STAG1: variants seen among roughly 807,000 people sequenced by gnomAD.
The protein encoded by STAG1 is STAG1 cohesin complex component, also known as cohesin subunit SA-1.
In STAG1, 26 loss-of-function variants were observed where a neutral mutation model predicts 170.9. The ratio of observed to expected loss-of-function variants is 0.15; its 90% CI spans 0.11 to 0.21. The LOEUF (loss-of-function observed/expected upper bound fraction) is 0.21. Among genes scored for constraint, STAG1 ranks in the 10% least tolerant of loss-of-function variants. STAG1 has a pLI of 1.00. For missense variants in STAG1, 964 were observed against 1,509.5 expected (o/e 0.64, Z 5.99); for synonymous variants, 514 against 497.7 (o/e 1.03, Z -0.44).
chr3:136,535,155 A>C (rs1207207150), intron 6 of STAG1, among the ~76,000 whole-genome samples: 1 of 152,124 alleles, frequency 6.6e-6, no homozygotes, highest in African/African-American at 2.4e-5. Context: ...AAACAAATAC[A>C]TTTTCTCACT....
chr3:136,486,139 G>A (rs1418797880), intron 9 of STAG1, among the ~76,000 whole-genome samples: 2 of 152,152 alleles, frequency 1.3e-5, no homozygotes, highest in Non-Finnish European at 2.9e-5. Context: ...ACATGTAGTA[G>A]GCAAGTAAGT....
chr3:136,442,832 C>A (rs2088671071), intron 15 of STAG1, among the ~76,000 whole-genome samples: 6 of 152,116 alleles, frequency 3.9e-5, no homozygotes, highest in Admixed American at 3.9e-4. Flanking sequence ...TTGAGGCAAT[C>A]TGGGGACCAC....
intron 6 of STAG1, among the ~76,000 whole-genome samples, chr3:136,536,809 A>C (rs1312114314): frequency 1.3e-5 from 2 of 151,866 alleles, no homozygotes; most frequent in South Asian, 2.1e-4. Flanking sequence ...AAGTTTCTTA[A>C]CCCTTTTGTG....
chr3:136,548,038 C>T (rs565162644), intron 5 of STAG1, among the ~76,000 whole-genome samples: 4 of 152,180 alleles, frequency 2.6e-5, no homozygotes, highest in East Asian at 1.9e-4. Flanking sequence ...TCCATACATA[C>T]GTGAATTACT....
At chr3:136,552,671 C>T (rs763700109) in intron 5 of STAG1, among the ~76,000 whole-genome samples, 5 of 152,110 alleles carry the variant, frequency 3.3e-5, no homozygotes, top group Non-Finnish European at 5.9e-5. Context: ...CAGGTTAAGG[C>T]TAAACCAGGG....
chr3:136,536,724 A>C (rs1174291096), intron 6 of STAG1, among the ~76,000 whole-genome samples: 2 of 151,418 alleles, frequency 1.3e-5, no homozygotes, highest in Non-Finnish European at 2.9e-5. Flanking sequence ...AAAAAAAAAA[A>C]AACTACGGCT....
intron 25 of STAG1, 88 bp from the exon 26 acceptor site, chr3:136,363,555 G>GGA: frequency 3.4e-6 from 1 of 290,910 alleles, no homozygotes. Context: ...CTTTGAAAAT[G>GGA]AAAAAAAAAA....
At chr3:136,465,037 C>T (rs1208960573) in intron 12 of STAG1, 49 bp from the exon 13 acceptor site, 1 of 1,383,974 alleles carries the variant, frequency 7.2e-7, no homozygotes, top group South Asian at 1.4e-5. Context: ...TGTTTATTTT[C>T]CTTTCTACTT....
At chr3:136,604,045 T>A (rs952341895) in intron 4 of STAG1, among the ~76,000 whole-genome samples, 1 of 151,806 alleles carries the variant, frequency 6.6e-6, no homozygotes, top group African/African-American at 2.4e-5. Context: ...AAAAAAAAAA[T>A]ATCAAGACAA....
intron 26 of STAG1, among the ~76,000 whole-genome samples, chr3:136,360,439 T>C (rs1338816919): frequency 1.3e-5 from 2 of 152,188 alleles, no homozygotes; most frequent in Non-Finnish European, 2.9e-5. Flanking sequence ...TGATTCCCTT[T>C]ATAGCAAAGG....
At position 136,699,262 on chromosome 3, in the gene STAG1, C is replaced by CT. The variant is rs776486888; in HGVS notation, c.-84+52932dup. Reference sequence around the variant, plus strand: ...CTTCCTTTAATGTCTCAATAGCCTACTTAATTTTATAGGAAGAAAATGTCT... The same window carrying CT: ...CTTCCTTTAATGTCTCAATAGCCTACTTTAATTTTATAGGAAGAAAATGTCT... On this transcript the variant is annotated intron_variant, in intron 1 of 33. Coordinates refer to ENST00000383202, the MANE Select transcript of STAG1 (RefSeq NM_005862.3). 4.6e-5 allele frequency among the ~76,000 whole-genome samples: 7 copies of CT among 152,276 alleles called. No individual in the cohort carries two copies. In the South Asian group the frequency reaches 1.2e-3, roughly 27 times the overall value.
At chr3:136,437,666 C>CT (rs1317848828) in intron 15 of STAG1, among the ~76,000 whole-genome samples, 2 of 152,094 alleles carry the variant, frequency 1.3e-5, no homozygotes, top group African/African-American at 2.4e-5. Flanking sequence ...TTTGTGTAGT[C>CT]TTTTTTCTCC....
chr3:136,631,646 G>A (rs937585738), intron 1 of STAG1, among the ~76,000 whole-genome samples: 1 of 152,186 alleles, frequency 6.6e-6, no homozygotes, highest in African/African-American at 2.4e-5. Context: ...GGCTGTGCAC[G>A]TGTAGGGACA....
At chr3:136,558,168 G>A (rs1936699128) in intron 5 of STAG1, among the ~76,000 whole-genome samples, 1 of 152,122 alleles carries the variant, frequency 6.6e-6, no homozygotes, top group Admixed American at 6.5e-5. Flanking sequence ...AAGGTGGGCA[G>A]GTCACCTGAG....
intron 7 of STAG1, among the ~76,000 whole-genome samples, chr3:136,512,370 G>A (rs935768266): frequency 1.3e-5 from 2 of 152,040 alleles, no homozygotes; most frequent in South Asian, 4.1e-4. Context: ...AGAAGTAGTA[G>A]GTTCCATAGA....
At chr3:136,575,963 C>T (rs955482125) in intron 4 of STAG1, among the ~76,000 whole-genome samples, 6 of 152,174 alleles carry the variant, frequency 3.9e-5, no homozygotes, top group Non-Finnish European at 7.3e-5. Context: ...GATAGCAAGT[C>T]ACCTCTGCCA....
chr3:136,573,767 T>TG (rs1261090481), intron 4 of STAG1, among the ~76,000 whole-genome samples: 1 of 152,056 alleles, frequency 6.6e-6, no homozygotes, highest in African/African-American at 2.4e-5. Context: ...GGTCAGGAGA[T>TG]GGAGACCATC....
At chr3:136,729,607 C>T (rs1263456387) in intron 1 of STAG1, among the ~76,000 whole-genome samples, 2 of 121,012 alleles carry the variant, frequency 1.7e-5, no homozygotes, top group Non-Finnish European at 3.2e-5. Flanking sequence ...CAGAGCTGTG[C>T]TGTCACCCAG....
chr3:136,615,293 G>A (rs893848730), intron 3 of STAG1, among the ~76,000 whole-genome samples: 1 of 151,860 alleles, frequency 6.6e-6, no homozygotes, highest in African/African-American at 2.4e-5. Flanking sequence ...TGTGAACAGG[G>A]AAATACAATA....
Sources: allele counts gnomAD v4.1 joint callset (sites outside exome capture counted in the v4.1 genomes callset), GRCh38; gene constraint gnomAD v4.1.1; transcripts MANE v1.5; gene names NCBI Gene and HGNC (gene_info 2026-07-23, HGNC 2026-07-21).